The following KDM7A variants were observed in gnomAD, a reference collection of about 807,000 sequenced individuals.
KDM7A encodes lysine demethylase 7A.
KDM7A carries 28 observed loss-of-function variants against 114.8 expected under a neutral mutation model. The ratio of observed to expected loss-of-function variants is 0.24; its 90% CI spans 0.18 to 0.33. The LOEUF is 0.33. Among genes scored for constraint, KDM7A ranks in the 10% least tolerant of loss-of-function variants. KDM7A has a pLI of 1.00. For missense variants in KDM7A, 942 were observed against 1,142.5 expected (o/e 0.82, Z 2.53); for synonymous variants, 423 against 397.8 (o/e 1.06, Z -0.75).
intron 7 of KDM7A, among the ~76,000 whole-genome samples, chr7:140,124,069 CAAA>C (rs71170945): frequency 1.3e-3 from 150 of 112,644 alleles, no homozygotes; most frequent in African/African-American, 2.9e-3. Flanking sequence ...GACTCTGTCT[CAAA>C]AAAAAAAAAA....
At chr7:140,142,347 A>G (rs2116825111) in intron 1 of KDM7A, among the ~76,000 whole-genome samples, 1 of 151,764 alleles carries the variant, frequency 6.6e-6, no homozygotes, top group Middle Eastern at 3.4e-3. Context: ...AAGCCAGAGT[A>G]GCAGAAGACA....
chr7:140,163,924 T>G (rs1421212168), intron 1 of KDM7A, among the ~76,000 whole-genome samples: 2 of 152,208 alleles, frequency 1.3e-5, no homozygotes, highest in African/African-American at 4.8e-5. Context: ...ATTTTCTAAT[T>G]ATCAGTTATA....
intron 1 of KDM7A, among the ~76,000 whole-genome samples, chr7:140,140,676 A>C (rs1794259308): frequency 6.6e-6 from 1 of 151,290 alleles, no homozygotes; most frequent in Admixed American, 6.6e-5. Context: ...TGGGAGGCTG[A>C]GGCAGGAGAA....
intron 1 of KDM7A, among the ~76,000 whole-genome samples, chr7:140,152,246 T>C (rs1304653348): frequency 6.6e-6 from 1 of 152,192 alleles, no homozygotes; most frequent in Admixed American, 6.5e-5. Flanking sequence ...CGAGTTACAG[T>C]AGGGGTCTGA....
chr7:140,107,142 C>T (rs1020369425), intron 11 of KDM7A, among the ~76,000 whole-genome samples: 2 of 152,070 alleles, frequency 1.3e-5, no homozygotes, highest in African/African-American at 4.8e-5. Context: ...TTCCTCCATC[C>T]CTTTATTTTG....
chr7:140,089,617 ACCCCC>A lies in KDM7A; in HGVS notation c.*1472_*1476del, dbSNP rs1342924886. The A allele has an allele frequency of 6.6e-6, 1 of 152,080 alleles. No individual in the cohort carries two copies. The highest frequency in any genetic ancestry group is 2.4e-5 in the African/African-American group (1 of 41,418). 9.4% of individuals were successfully genotyped at this position (152,080 alleles called of 1,614,324 possible). A position where few individuals can be genotyped will look rare whatever the true frequency, so the allele number is the denominator to read the frequency against. On this transcript the variant is annotated 3_prime_UTR_variant, in exon 20 of 20. Transcript: ENST00000397560. ...TCAGACTTGGGAACATTTCTGCCCC[ACCCCC>A]AGAAATCACTTATTTTTATGCCATG... is the stretch of plus-strand genomic sequence containing the variant.
rs931510193 is a variant in KDM7A, at chr7:140,101,009, A to G, written c.1638+942T>C. 2.9e-5 allele frequency among the ~76,000 whole-genome samples: 4 copies of G among 138,710 alleles called. No homozygotes were observed. In the Admixed American group the frequency reaches 2.9e-4, roughly 10 times the overall value. 91.0% of individuals were successfully genotyped at this position (138,710 alleles called of 152,430 possible). A position where few individuals can be genotyped will look rare whatever the true frequency, so the allele number is the denominator to read the frequency against. On this transcript the variant is annotated intron_variant, in intron 12 of 19. Coordinates refer to ENST00000397560, the MANE Select transcript of KDM7A (RefSeq NM_030647.2). ...GTGATCCACCCGCCTCGGCCTCCCA[A>G]TTTTTTTTTTTTTTAAGCCAGGATC...
At chr7:140,126,586 T>C in intron 6 of KDM7A, 51 bp downstream of exon 6, 1 of 1,117,168 alleles carries the variant, frequency 9.0e-7, no homozygotes, top group Non-Finnish European at 1.2e-6. Context: ...ACTGAAAAAC[T>C]AGGGCTATAT....
intron 1 of KDM7A, among the ~76,000 whole-genome samples, chr7:140,154,961 C>T (rs1289723518): frequency 6.6e-6 from 1 of 151,964 alleles, no homozygotes; most frequent in Non-Finnish European, 1.5e-5. Flanking sequence ...ACCAATAAAC[C>T]AAGTGTATAG....
At chr7:140,173,617 C>T (rs1023225164) in intron 1 of KDM7A, among the ~76,000 whole-genome samples, 2 of 152,148 alleles carry the variant, frequency 1.3e-5, no homozygotes, top group African/African-American at 4.8e-5. Flanking sequence ...TTCTCTGTAT[C>T]CAACCTCCTA....
intron 2 of KDM7A, among the ~76,000 whole-genome samples, chr7:140,136,622 C>T (rs1818874957): frequency 6.6e-6 from 1 of 152,160 alleles, no homozygotes; most frequent in Non-Finnish European, 1.5e-5. Context: ...AGTCTAAATT[C>T]ACCATATGAA....
chr7:140,095,452 T>A (rs1409425240), intron 17 of KDM7A, among the ~76,000 whole-genome samples: 4 of 152,256 alleles, frequency 2.6e-5, no homozygotes, highest in Non-Finnish European at 5.9e-5. Flanking sequence ...GATCAGATGG[T>A]CCTGGCTTCA....
At chr7:140,123,211 T>G (rs1000414768) in intron 7 of KDM7A, among the ~76,000 whole-genome samples, 1 of 152,270 alleles carries the variant, frequency 6.6e-6, no homozygotes, top group East Asian at 1.9e-4. Flanking sequence ...GTGGAGAAAC[T>G]GGAACCCAAA....
intron 1 of KDM7A, among the ~76,000 whole-genome samples, chr7:140,161,892 T>C (rs1794523688): frequency 6.6e-6 from 1 of 152,162 alleles, no homozygotes. Flanking sequence ...AGGTCTACAC[T>C]GGACCACATT....
At chr7:140,103,381 G>C (rs1171954805) in intron 11 of KDM7A, among the ~76,000 whole-genome samples, 1 of 151,334 alleles carries the variant, frequency 6.6e-6, no homozygotes, top group Non-Finnish European at 1.5e-5. Context: ...TGTTACATAT[G>C]TATACATGTG....
At chr7:140,173,330 A>G (rs1003625685) in intron 1 of KDM7A, among the ~76,000 whole-genome samples, 1 of 152,108 alleles carries the variant, frequency 6.6e-6, no homozygotes, top group South Asian at 2.1e-4. Flanking sequence ...AGGGAGATGG[A>G]CAGATGGGAA....
chr7:140,174,983 T>C (rs1357980707), intron 1 of KDM7A, among the ~76,000 whole-genome samples: 6 of 152,158 alleles, frequency 3.9e-5, no homozygotes, highest in Non-Finnish European at 5.9e-5. Flanking sequence ...AAAATAAGCA[T>C]TTACATAATC....
intron 12 of KDM7A, among the ~76,000 whole-genome samples, chr7:140,100,741 TACATATATA>T (rs1562946185): frequency 3.2e-3 from 148 of 45,576 alleles, no homozygotes; most frequent in African/African-American, 0.01. Flanking sequence ...TATATATATA[TACATATATA>T]TTTTTTTGTT....
chr7:140,176,773 GC>G lies in KDM7A; in HGVS notation c.164del (p.Cys55SerfsTer15). On this transcript the variant is annotated frameshift_variant, in exon 1 of 20. Transcript: ENST00000397560. LOFTEE classifies it high-confidence loss of function. The surrounding 1 kb of genome is among the most constrained non-coding windows in gnomAD (Gnocchi z 4.4). ...PYDVNRFMIE[C>X]DICKDWFHGS... Reference sequence around the variant, plus strand: ...CGTGGAACCAGTCCTTGCAGATATCGCACTCGATCATGAAGCGGTTCACGTC... The same window carrying G: ...CGTGGAACCAGTCCTTGCAGATATCGACTCGATCATGAAGCGGTTCACGTC... The G allele has an allele frequency of 7.1e-7, 1 of 1,411,268 alleles. No homozygotes were observed. Among genetic ancestry groups the G allele is most frequent in the Non-Finnish European group, 9.4e-7 (1 of 1,059,740 alleles). 87.4% of individuals were successfully genotyped at this position (1,411,268 alleles called of 1,614,324 possible). A position where few individuals can be genotyped will look rare whatever the true frequency, so the allele number is the denominator to read the frequency against.
Sources: allele counts gnomAD v4.1 joint callset (sites outside exome capture counted in the v4.1 genomes callset), GRCh38; gene constraint gnomAD v4.1.1; non-coding constraint Gnocchi (gnomAD v3.1); transcripts MANE v1.5; gene names NCBI Gene and HGNC (gene_info 2026-07-23, HGNC 2026-07-21).